The following AK8 variants were observed in gnomAD, a reference collection of about 807,000 sequenced individuals.
AK8 encodes ATP-AMP transphosphorylase 8.
A neutral mutation model predicts 54.6 loss-of-function variants in AK8; 44 were observed. The observed-to-expected ratio is 0.81, with a 90% CI of 0.63 to 1.04. AK8 has a LOEUF of 1.04. AK8 is among the 50% of genes least tolerant of loss of function. The pLI, the probability that AK8 is intolerant of heterozygous loss-of-function variation, is 0.00. For synonymous variants in AK8, 239 were observed against 245.6 expected (o/e 0.97, Z 0.25); for missense variants, 555 against 613.6 (o/e 0.90, Z 1.01).
At chr9:132,872,231 G>C (rs921539607) in intron 2 of AK8, among the ~76,000 whole-genome samples, 1 of 152,170 alleles carries the variant, frequency 6.6e-6, no homozygotes, top group African/African-American at 2.4e-5. Flanking sequence ...AACTACTCAG[G>C]AGGCTGAGGC....
At chr9:132,802,050 G>A (rs751382220) in intron 10 of AK8, among the ~76,000 whole-genome samples, 3 of 152,162 alleles carry the variant, frequency 2.0e-5, no homozygotes, top group Non-Finnish European at 2.9e-5. Context: ...GCCTTTGGGC[G>A]ACTCATTTTA....
intron 11 of AK8, among the ~76,000 whole-genome samples, chr9:132,753,234 A>G (rs1020744117): frequency 2.0e-5 from 3 of 152,172 alleles, no homozygotes; most frequent in African/African-American, 2.4e-5. Flanking sequence ...TCACCCCCCT[A>G]GTAAGCCAGC....
At position 132,875,097 on chromosome 9, in the gene AK8, G is replaced by C. The variant is rs1438339265; in HGVS notation, c.169+18C>G. 1 of 1,613,622 alleles carries C rather than the reference G, an allele frequency of 6.2e-7. No homozygotes were observed. ...GGAAGGGAAGACGAGGAGGGGAAGA[G>C]CCCCAGCCAGTGCTCACCATTGTCG... On this transcript the variant is annotated intron_variant, in intron 2 of 12. Transcript: ENST00000298545.
At chr9:132,836,841 T>A (rs1055991927) in intron 5 of AK8, among the ~76,000 whole-genome samples, 3 of 152,232 alleles carry the variant, frequency 2.0e-5, no homozygotes, top group Admixed American at 6.5e-5. Context: ...TGTTTCCTTA[T>A]CTGTATAACA....
At chr9:132,878,749 C>T, upstream of AK8, 1 of 986,206 alleles carries the variant, frequency 1.0e-6, no homozygotes, top group Non-Finnish European at 1.2e-6. The surrounding 1 kb of genome is among the most constrained non-coding windows in gnomAD (Gnocchi z 4.7). Flanking sequence ...GGTGGAAATC[C>T]TCAGCCCAAC....
intron 5 of AK8, 72 bp downstream of exon 5, chr9:132,854,785 T>C: frequency 6.6e-7 from 1 of 1,510,674 alleles, no homozygotes; most frequent in Non-Finnish European, 9.2e-7. Flanking sequence ...TCTCTGGTCT[T>C]GGAGATGAAC....
chr9:132,875,244 G>T, intron 1 of AK8, 45 bp from the exon 2 acceptor site: 1 of 1,608,270 alleles, frequency 6.2e-7, no homozygotes, highest in Non-Finnish European at 8.5e-7. Flanking sequence ...ACCTGCAAGG[G>T]CACCTGGTCA....
At chr9:132,806,231 G>A (rs1387737913) in intron 10 of AK8, among the ~76,000 whole-genome samples, 2 of 151,942 alleles carry the variant, frequency 1.3e-5, no homozygotes, top group Non-Finnish European at 2.9e-5. Flanking sequence ...GATTCAAACT[G>A]TCCTATTTCC....
rs146684388 is a variant in AK8, at chr9:132,859,395, C to T, written c.333+4270G>A. On this transcript the variant is annotated intron_variant, in intron 4 of 12. Coordinates refer to ENST00000298545, the MANE Select transcript of AK8 (RefSeq NM_152572.3). ...GGGACTACAGGCGCCCCCCACCATG[C>T]CCAGCTAATATTTTTTTCTTTTTTG... is the stretch of plus-strand genomic sequence containing the variant. Among the ~76,000 whole-genome samples, 81 of 152,152 alleles carry T rather than the reference C, an allele frequency of 5.3e-4. No homozygotes were observed. In the East Asian group the frequency reaches 0.012, roughly 23 times the overall value.
intron 10 of AK8, among the ~76,000 whole-genome samples, chr9:132,798,926 C>A (rs1459223621): frequency 1.3e-5 from 2 of 152,176 alleles, no homozygotes; most frequent in African/African-American, 2.4e-5. Context: ...TGTCTAAAGG[C>A]CCAGGATCCC....
rs150750853 is a variant in AK8, at chr9:132,801,396, T to G, written c.980-8621A>C. On this transcript the variant is annotated intron_variant, in intron 10 of 12. Transcript: ENST00000298545. ...TGATTTGACAATTTTTATTTTAAAGTACATTTTTACATCTTTCAATGGAAT... is the reference window on the plus strand; with the variant it reads ...TGATTTGACAATTTTTATTTTAAAGGACATTTTTACATCTTTCAATGGAAT... Among the ~76,000 whole-genome samples, 3 of 152,370 alleles carry G rather than the reference T, an allele frequency of 2.0e-5. No individual in the cohort carries two copies. In the East Asian group the frequency reaches 5.8e-4, roughly 29 times the overall value.
At chr9:132,733,309 C>T (rs1392664893) in intron 11 of AK8, among the ~76,000 whole-genome samples, 4 of 151,384 alleles carry the variant, frequency 2.6e-5, no homozygotes, top group Admixed American at 2.0e-4. Context: ...GCTGTGAACA[C>T]GCGGCCCCCC....
At chr9:132,727,652 C>A in intron 11 of AK8, 118 bp from the exon 12 acceptor site, 1 of 932,846 alleles carries the variant, frequency 1.1e-6, no homozygotes, top group Non-Finnish European at 1.6e-6. Flanking sequence ...TGGCCGATTC[C>A]TAGAGCCAGC....
chr9:132,808,187 T>G (rs1236373857), intron 10 of AK8, among the ~76,000 whole-genome samples: 2 of 152,132 alleles, frequency 1.3e-5, no homozygotes, highest in African/African-American at 4.8e-5. Context: ...TAAGGCTGCA[T>G]GATTTAAGCT....
At chr9:132,801,506 G>A (rs1449316806) in intron 10 of AK8, among the ~76,000 whole-genome samples, 2 of 152,180 alleles carry the variant, frequency 1.3e-5, no homozygotes, top group African/African-American at 2.4e-5. Context: ...TTCACTAAGT[G>A]TACACTGCAG....
At position 132,842,156 on chromosome 9, in the gene AK8, T is replaced by G. The variant is rs546870126; in HGVS notation, c.402+12701A>C. On this transcript the variant is annotated intron_variant, in intron 5 of 12. Coordinates refer to ENST00000298545, the MANE Select transcript of AK8 (RefSeq NM_152572.3). ...AGAAGCCTGAAGACAAGTATGTTCCTAGTGTTGAAACCATTATTAGGGCAT... is the reference window on the plus strand; with the variant it reads ...AGAAGCCTGAAGACAAGTATGTTCCGAGTGTTGAAACCATTATTAGGGCAT... Among the ~76,000 whole-genome samples, 8 of 152,356 alleles carry G rather than the reference T, an allele frequency of 5.3e-5. 1 individual carries two copies. The East Asian group carries it at 1.5e-3, about 29-fold the overall frequency.
chr9:132,814,522 C>T, intron 10 of AK8, 116 bp downstream of exon 10: 2 of 1,017,436 alleles, frequency 2.0e-6, no homozygotes, highest in Non-Finnish European at 1.4e-6. Context: ...AACCCAATTT[C>T]CATTTCCCGG....
At chr9:132,832,148 A>T (rs1409273478) in intron 5 of AK8, among the ~76,000 whole-genome samples, 6 of 20,986 alleles carry the variant, frequency 2.9e-4, no homozygotes, top group African/African-American at 5.1e-4. Context: ...ACTGACATTT[A>T]AAAAAAAAAA....
chr9:132,731,476 G>T (rs898045271), intron 11 of AK8, among the ~76,000 whole-genome samples: 5 of 152,172 alleles, frequency 3.3e-5, no homozygotes, highest in African/African-American at 1.2e-4. Context: ...CACACCCTGT[G>T]TAATCAGCCA....
Sources: allele counts gnomAD v4.1 joint callset (sites outside exome capture counted in the v4.1 genomes callset), GRCh38; gene constraint gnomAD v4.1.1; non-coding constraint Gnocchi (gnomAD v3.1); transcripts MANE v1.5; gene names NCBI Gene and HGNC (gene_info 2026-07-23, HGNC 2026-07-21).